ZNF438: variants seen among roughly 807,000 people sequenced by gnomAD.
ZNF438 encodes the protein zinc finger protein 438.
ZNF438 carries 25 observed loss-of-function variants against 38.0 expected under a neutral mutation model. The observed-to-expected ratio is 0.66, with a 90% CI of 0.48 to 0.92. ZNF438 has a LOEUF of 0.92. Among genes scored for constraint, ZNF438 ranks in the 40% least tolerant of loss-of-function variants. The pLI is 0.00. For missense variants in ZNF438, 1,007 were observed against 999.6 expected (o/e 1.01, Z -0.10); for synonymous variants, 372 against 364.1 (o/e 1.02, Z -0.25).
chr10:30,981,713 T>C (rs570965920), intron 1 of ZNF438, among the ~76,000 whole-genome samples: 1 of 151,940 alleles, frequency 6.6e-6, no homozygotes, highest in Admixed American at 6.6e-5. Context: ...ATGTCTCTAC[T>C]AAAAATACAA....
chr10:30,983,548 T>C (rs998010919), intron 1 of ZNF438, among the ~76,000 whole-genome samples: 1 of 151,948 alleles, frequency 6.6e-6, no homozygotes, highest in Admixed American at 6.6e-5. Context: ...ATCAGGCCCC[T>C]CCTCCAACAT....
chr10:30,961,016 T>C (rs961004426), intron 1 of ZNF438, among the ~76,000 whole-genome samples: 1 of 145,516 alleles, frequency 6.9e-6, no homozygotes, highest in African/African-American at 2.4e-5. Context: ...AAAAATAATA[T>C]ATACTTACTC....
At chr10:30,851,919 G>C (rs549727078) in intron 4 of ZNF438, among the ~76,000 whole-genome samples, 1 of 152,032 alleles carries the variant, frequency 6.6e-6, no homozygotes, top group East Asian at 1.9e-4. Flanking sequence ...AGCACTTTGG[G>C]AGGCTGAGAT....
At position 30,960,850 on chromosome 10, in the gene ZNF438, A is replaced by T. The variant is rs1326775602; in HGVS notation, c.-191-19199T>A. ...TATATTTTAAAGACGTTTTCAAAAT[A>T]ACATAATCCTTTTAAGATTTCAACC... On this transcript the variant is annotated intron_variant, in intron 1 of 5. Coordinates refer to ENST00000413025, the Ensembl canonical transcript of ZNF438. 7.5e-5 allele frequency among the ~76,000 whole-genome samples: 11 copies of T among 147,012 alleles called. 1 individual carries two copies. Among genetic ancestry groups the T allele is most frequent in the Non-Finnish European group, 1.5e-4 (10 of 64,884 alleles).
chr10:30,943,433 T>G (rs1212114293), intron 1 of ZNF438, among the ~76,000 whole-genome samples: 2 of 152,090 alleles, frequency 1.3e-5, no homozygotes, highest in Non-Finnish European at 1.5e-5. Flanking sequence ...AAAAAATACT[T>G]GAATTTAAGA....
chr10:30,926,591 G>A (rs540952740), intron 2 of ZNF438, among the ~76,000 whole-genome samples: 30 of 151,900 alleles, frequency 2.0e-4, no homozygotes, highest in East Asian at 3.9e-4. Context: ...ACTTGAACCC[G>A]GAAGGCAGAG....
In ZNF438 at chr10:30,969,389, A is replaced by G. The variant is rs191789464; in HGVS notation, c.-191-27738T>C. On this transcript the variant is annotated intron_variant, in intron 1 of 5. Transcript: ENST00000413025. ...AACAGTAAATGAGATTAAACTGTAG[A>G]CTTCCTAGTTGCCTTAAACAACTGA... 2.5e-3 allele frequency among the ~76,000 whole-genome samples: 375 copies of G among 152,360 alleles called. 1 individual carries two copies. Among genetic ancestry groups the G allele is most frequent in the African/African-American group, 8.5e-3 (353 of 41,590 alleles).
chr10:30,968,536 C>T (rs1157124990), intron 1 of ZNF438, among the ~76,000 whole-genome samples: 8 of 147,488 alleles, frequency 5.4e-5, no homozygotes, highest in Admixed American at 2.0e-4. Context: ...CTCCACCTCC[C>T]GGGTTCAAGC....
At chr10:30,849,491 A>G (rs1010656381) in exon 5 of ZNF438, 1 of 1,613,668 alleles carries the variant, frequency 6.2e-7, no homozygotes, top group African/African-American at 1.3e-5. Flanking sequence ...GATTTTGTAA[A>G]CCTCCATTGT....
intron 1 of ZNF438, among the ~76,000 whole-genome samples, chr10:31,004,190 A>G (rs182318188): frequency 1.3e-5 from 2 of 152,220 alleles, no homozygotes; most frequent in Non-Finnish European, 2.9e-5. Context: ...AGCATCCTAC[A>G]ATCCACAAGA....
intron 1 of ZNF438, among the ~76,000 whole-genome samples, chr10:30,972,232 G>C (rs2136240942): frequency 6.6e-6 from 1 of 152,224 alleles, no homozygotes; most frequent in South Asian, 2.1e-4. Flanking sequence ...GCCTCCCAAA[G>C]TGCTGGGATT....
At chr10:30,864,453 C>T (rs2036094333) in intron 4 of ZNF438, among the ~76,000 whole-genome samples, 1 of 152,134 alleles carries the variant, frequency 6.6e-6, no homozygotes, top group Admixed American at 6.5e-5. Context: ...TGATCACTTG[C>T]TATTTTCTTT....
chr10:30,906,299 C>A (rs886636650), intron 3 of ZNF438, among the ~76,000 whole-genome samples: 1 of 152,128 alleles, frequency 6.6e-6, no homozygotes, highest in South Asian at 2.1e-4. Flanking sequence ...AATATTTATT[C>A]CTGCGTATTC....
At chr10:30,974,027 T>C (rs890172402) in intron 1 of ZNF438, among the ~76,000 whole-genome samples, 1 of 152,202 alleles carries the variant, frequency 6.6e-6, no homozygotes, top group Non-Finnish European at 1.5e-5. Context: ...AGATGTTCAG[T>C]GTGACCTGCA....
chr10:30,926,316 G>T (rs1297883293), intron 2 of ZNF438, among the ~76,000 whole-genome samples: 1 of 152,158 alleles, frequency 6.6e-6, no homozygotes, highest in Non-Finnish European at 1.5e-5. Context: ...AACTTCAAAA[G>T]CAGAACAAGT....
At chr10:30,906,853 T>C (rs2042635028) in intron 3 of ZNF438, among the ~76,000 whole-genome samples, 1 of 152,244 alleles carries the variant, frequency 6.6e-6, no homozygotes, top group South Asian at 2.1e-4. Context: ...ATTAATGTGG[T>C]GTCAACACTG....
chr10:30,944,832 G>A (rs1334560302), intron 1 of ZNF438, among the ~76,000 whole-genome samples: 1 of 152,126 alleles, frequency 6.6e-6, no homozygotes, highest in Non-Finnish European at 1.5e-5. Context: ...TTAAACTGTC[G>A]AATGTATTGA....
intron 4 of ZNF438, among the ~76,000 whole-genome samples, chr10:30,863,250 A>C (rs2035882462): frequency 6.6e-6 from 1 of 152,210 alleles, no homozygotes; most frequent in Admixed American, 6.5e-5. Flanking sequence ...TTTCCTTAAC[A>C]TAGAGAGACC....
chr10:30,863,556 T>G (rs2035929414), intron 4 of ZNF438, among the ~76,000 whole-genome samples: 1 of 152,242 alleles, frequency 6.6e-6, no homozygotes, highest in Non-Finnish European at 1.5e-5. Flanking sequence ...TTATTGTCTT[T>G]TAGTGATGAC....
Sources: gnomAD v4.1 joint callset for allele counts (sites outside exome capture counted in the v4.1 genomes callset) on GRCh38, gnomAD v4.1.1 for gene constraint, MANE v1.5 for transcripts, NCBI Gene and HGNC (gene_info 2026-07-23, HGNC 2026-07-21) for gene names.